ABHD2: variants seen among roughly 807,000 people sequenced by gnomAD.
The protein encoded by ABHD2 is monoacylglycerol lipase ABHD2.
Under a neutral mutation model 48.1 loss-of-function variants are expected in ABHD2, and 20 were observed. That is an observed-to-expected ratio of 0.42 (90% CI 0.29 to 0.60). The LOEUF (loss-of-function observed/expected upper bound fraction) is 0.60. Ranked by LOEUF, ABHD2 falls within the 20% of genes least tolerant of loss-of-function variation. The probability of loss-of-function intolerance (pLI) is 0.24; values close to 1 mark genes in which losing one functional copy is unlikely to be tolerated. For missense variants in ABHD2, 405 were observed against 550.9 expected (o/e 0.74, Z 2.65); for synonymous variants, 209 against 214.2 (o/e 0.98, Z 0.21).
chr15:89,049,661 T>A, the ABHD2 span, among the ~76,000 whole-genome samples: 2 of 152,066 alleles, frequency 1.3e-5, no homozygotes, highest in African/African-American at 2.4e-5. Context: ...TCCAGGTGGC[T>A]TCTGTCACCC....
chr15:89,134,370 A>G (rs919326690), intron 3 of ABHD2, among the ~76,000 whole-genome samples: 1 of 152,264 alleles, frequency 6.6e-6, no homozygotes, highest in Admixed American at 6.5e-5. Context: ...AGACGGCTAC[A>G]CTTTGTCCAA....
At chr15:89,062,551 C>G in the ABHD2 span, among the ~76,000 whole-genome samples, 1 of 151,918 alleles carries the variant, frequency 6.6e-6, no homozygotes, top group African/African-American at 2.4e-5. Flanking sequence ...AACACCACAC[C>G]TAAGTTTTGT....
At chr15:89,084,209 T>TAAA (rs3049684), upstream of ABHD2, among the ~76,000 whole-genome samples, 2 of 138,784 alleles carry the variant, frequency 1.4e-5, no homozygotes, top group Admixed American at 1.4e-4. This position sits in a 1 kb window ranked among gnomAD's most constrained non-coding sequence, Gnocchi z 4.4. Flanking sequence ...TTTGCTAGTG[T>TAAA]AAAAAAAAAA....
the ABHD2 span, among the ~76,000 whole-genome samples, chr15:89,048,504 G>T: frequency 1.3e-5 from 2 of 152,108 alleles, no homozygotes; most frequent in Admixed American, 6.5e-5. Context: ...TTCCAATTTG[G>T]TTCCATTCTC....
intron 1 of ABHD2, among the ~76,000 whole-genome samples, chr15:89,089,933 A>C (rs556028769): frequency 3.3e-5 from 5 of 152,296 alleles, no homozygotes; most frequent in African/African-American, 1.2e-4. Context: ...GATAGAGCTC[A>C]TCTCTATCTA....
the ABHD2 span, among the ~76,000 whole-genome samples, chr15:89,042,561 T>G: frequency 0.17 from 25,764 of 150,850 alleles, 2,353 homozygotes; most frequent in South Asian, 0.32. Context: ...TCTCTTTCTT[T>G]TTTATTTCCT....
the ABHD2 span, among the ~76,000 whole-genome samples, chr15:89,077,358 GT>G: frequency 2.0e-5 from 3 of 152,186 alleles, no homozygotes; most frequent in Non-Finnish European, 4.4e-5. Flanking sequence ...GAATATGAAT[GT>G]TCTACAATCT....
At chr15:89,129,571 C>T (rs2050187269) in intron 3 of ABHD2, among the ~76,000 whole-genome samples, 1 of 151,924 alleles carries the variant, frequency 6.6e-6, no homozygotes, top group South Asian at 2.1e-4. Context: ...AGGTTTTTCC[C>T]CTAAGATTGA....
chr15:89,074,985 C>A, the ABHD2 span, among the ~76,000 whole-genome samples: 1 of 152,144 alleles, frequency 6.6e-6, no homozygotes, highest in African/African-American at 2.4e-5. Flanking sequence ...CCCTTCACCC[C>A]CAACCCTAAA....
intron 3 of ABHD2, among the ~76,000 whole-genome samples, chr15:89,117,203 T>G (rs2049975243): frequency 6.6e-6 from 1 of 152,192 alleles, no homozygotes; most frequent in African/African-American, 2.4e-5. Context: ...TTTTTGTATT[T>G]TTAGTAGAGA....
the ABHD2 span, among the ~76,000 whole-genome samples, chr15:89,058,389 C>T: frequency 7.2e-5 from 11 of 152,196 alleles, no homozygotes; most frequent in Non-Finnish European, 1.5e-4. Context: ...GTGAGGTCCA[C>T]TCTTGGGAAG....
the ABHD2 span, among the ~76,000 whole-genome samples, chr15:89,066,769 C>T: frequency 6.6e-6 from 1 of 152,154 alleles, no homozygotes; most frequent in Non-Finnish European, 1.5e-5. Flanking sequence ...TTGCGGCAGG[C>T]CAAGAGAGCC....
At position 89,201,498 on chromosome 15, in the gene ABHD2, T is replaced by A; in HGVS notation, c.*6075T>A. On this transcript the variant is annotated 3_prime_UTR_variant, in exon 11 of 11. Coordinates refer to ENST00000352732, the MANE Select transcript of ABHD2 (RefSeq NM_152924.5). ...CAGCTTCCATATCTGAAGTGTTTAGTGGAGCAAAAATTGTACCATAAACTT... is the reference window on the plus strand; with the variant it reads ...CAGCTTCCATATCTGAAGTGTTTAGAGGAGCAAAAATTGTACCATAAACTT... The A allele has an allele frequency of 6.3e-7, 1 of 1,581,502 alleles. No individual in the cohort carries two copies. Among genetic ancestry groups the A allele is most frequent in the East Asian group, 2.2e-5 (1 of 44,748 alleles).
At chr15:89,086,260 C>A (rs1261692764), upstream of ABHD2, among the ~76,000 whole-genome samples, 1 of 152,188 alleles carries the variant, frequency 6.6e-6, no homozygotes, top group Non-Finnish European at 1.5e-5. Flanking sequence ...CTGCTGACCT[C>A]AGGTGATCCT....
At chr15:89,180,928 A>G (rs1294211737) in intron 6 of ABHD2, among the ~76,000 whole-genome samples, 1 of 152,224 alleles carries the variant, frequency 6.6e-6, no homozygotes, top group African/African-American at 2.4e-5. Flanking sequence ...CAGAATGTAT[A>G]TATTAAAAGT....
chr15:89,173,075 G>C lies in ABHD2; in HGVS notation c.539-2737G>C, dbSNP rs1468878365. ...CTTTAAGGCCTGGTTTTCAGTGCCT[G>C]TTATGGCCCAAGGGAGGTGAACAAA... On this transcript the variant is annotated intron_variant, in intron 5 of 10. Transcript: ENST00000352732. The surrounding 1 kb of genome is among the most constrained non-coding windows in gnomAD (Gnocchi z 6.5). Among the ~76,000 whole-genome samples, 1 of 152,234 alleles carries C rather than the reference G, an allele frequency of 6.6e-6. No homozygotes were observed. The highest frequency in any genetic ancestry group is 1.9e-4 in the East Asian group (1 of 5,194).
At position 89,184,469 on chromosome 15, in the gene ABHD2, A is replaced by G. The variant is rs1423778793; in HGVS notation, c.723-955A>G. On this transcript the variant is annotated intron_variant, in intron 6 of 10. Transcript: ENST00000352732. This position sits in a 1 kb window ranked among gnomAD's most constrained non-coding sequence, Gnocchi z 5.1. Reference sequence around the variant, plus strand: ...GAGATTTTGAAACGTGCAAGATAAAAGTTTCCCTGTAATGAGTGTGGACTC... The same window carrying G: ...GAGATTTTGAAACGTGCAAGATAAAGGTTTCCCTGTAATGAGTGTGGACTC... 6.6e-6 allele frequency among the ~76,000 whole-genome samples: 1 copy of G among 152,132 alleles called. No homozygotes were observed. Among genetic ancestry groups the G allele is most frequent in the African/African-American group, 2.4e-5 (1 of 41,416 alleles).
At position 89,146,355 on chromosome 15, in the gene ABHD2, CGTGTGTGTGTGTGTGT is replaced by C. The variant is rs4032279; in HGVS notation, c.195-5293_195-5278del. Among the ~76,000 whole-genome samples the C allele has an allele frequency of 4.0e-4, 49 of 121,646 alleles. No homozygotes were observed. The highest frequency in any genetic ancestry group is 1.4e-3 in the African/African-American group (46 of 31,918). 79.8% of individuals were successfully genotyped at this position (121,646 alleles called of 152,430 possible). ...TGAGCTTCATCTGCTCAAAGACGTA[CGTGTGTGTGTGTGTGT>C]GTGTGTGTGTGTGTGTGTGTGTGTG... On this transcript the variant is annotated intron_variant, in intron 3 of 10. Transcript: ENST00000352732. The surrounding 1 kb of genome is among the most constrained non-coding windows in gnomAD (Gnocchi z 4.2).
chr15:89,134,928 C>G (rs184923018), intron 3 of ABHD2, among the ~76,000 whole-genome samples: 1 of 152,092 alleles, frequency 6.6e-6, no homozygotes, highest in Non-Finnish European at 1.5e-5. Flanking sequence ...TTTGTAGAAC[C>G]TACTTTTTCC....
Sources: allele counts gnomAD v4.1 joint callset (sites outside exome capture counted in the v4.1 genomes callset), GRCh38; gene constraint gnomAD v4.1.1; non-coding constraint Gnocchi (gnomAD v3.1); transcripts MANE v1.5; gene names NCBI Gene and HGNC (gene_info 2026-07-23, HGNC 2026-07-21).